The following SLC6A13 variants were observed in gnomAD, a reference collection of about 807,000 sequenced individuals.
SLC6A13 encodes sodium- and chloride-dependent GABA transporter 2.
In SLC6A13, 69 loss-of-function variants were observed where a neutral mutation model predicts 72.9. The ratio of observed to expected loss-of-function variants is 0.95; its 90% CI spans 0.78 to 1.16. The LOEUF (loss-of-function observed/expected upper bound fraction) is 1.16, where lower values mean the gene tolerates loss of function less well. Ranked by LOEUF, SLC6A13 falls within the 50% of genes most tolerant of loss-of-function variation. The pLI is 0.00. For missense variants in SLC6A13, 735 were observed against 760.5 expected (o/e 0.97, Z 0.39); for synonymous variants, 303 against 303.0 (o/e 1.00, Z 0.00).
At chr12:224,153 G>C in intron 10 of SLC6A13, 24 bp from the exon 11 acceptor site, 1 of 1,613,364 alleles carries the variant, frequency 6.2e-7, no homozygotes, top group Non-Finnish European at 8.5e-7. Context: ...CAAAGGGATT[G>C]GAGGGAAGGA....
chr12:256,000 T>C (rs1048351712), intron 2 of SLC6A13, among the ~76,000 whole-genome samples: 1 of 152,174 alleles, frequency 6.6e-6, no homozygotes, highest in African/African-American at 2.4e-5. Context: ...CTCTCACTCC[T>C]GGCAAGGCTT....
At chr12:223,743 T>C (rs529358425) in intron 11 of SLC6A13, 60 of 513,860 alleles carry the variant, frequency 1.2e-4, no homozygotes, top group Middle Eastern at 1.1e-3. Flanking sequence ...ATGCTCCACA[T>C]ACCTCTTCAC....
chr12:229,768 C>T (rs918710969), intron 7 of SLC6A13, among the ~76,000 whole-genome samples: 8 of 152,196 alleles, frequency 5.3e-5, no homozygotes, highest in Admixed American at 2.0e-4. Context: ...CAAGGAAACA[C>T]GCCGCGGCTG....
At chr12:239,734 T>C (rs1466739708) in intron 4 of SLC6A13, among the ~76,000 whole-genome samples, 1 of 152,182 alleles carries the variant, frequency 6.6e-6, no homozygotes, top group Non-Finnish European at 1.5e-5. Flanking sequence ...GAGCCTGGCA[T>C]ATAGCAGGAG....
intron 7 of SLC6A13, among the ~76,000 whole-genome samples, chr12:228,797 G>A (rs1473752328): frequency 6.6e-6 from 1 of 152,130 alleles, no homozygotes; most frequent in Non-Finnish European, 1.5e-5. Flanking sequence ...TCAGAATCAC[G>A]CTGATTCCTC....
Position 260,024 on chromosome 12 carries a change from C to T in SLC6A13, c.29G>A (p.Ser10Asn). The change falls in exon 2 of 15, where the codon AGT (serine) becomes AAT (asparagine). Residue 10 changes from serine (S) to asparagine (N), a missense_variant. Ser to Asn is a conservative substitution (Grantham distance 46, BLOSUM62 1). Transcript: ENST00000343164. MDSRVSGTT[S>N]NGETKPVYPV... ...ATACACTGGTTTTGTCTCTCCATTA[C>T]TGGTTGTGCCTGAGACCCTGCTATC... 1 of 1,614,132 alleles carries T rather than the reference C, an allele frequency of 6.2e-7. No individual in the cohort carries two copies. Among genetic ancestry groups the T allele is most frequent in the Non-Finnish European group, 8.5e-7 (1 of 1,179,976 alleles).
intron 7 of SLC6A13, among the ~76,000 whole-genome samples, chr12:228,483 G>T (rs1394614161): frequency 6.6e-6 from 1 of 152,118 alleles, no homozygotes; most frequent in Non-Finnish European, 1.5e-5. Flanking sequence ...TTCCTCATGT[G>T]TCTGTGTTCC....
At chr12:229,615 C>T (rs935769495) in intron 7 of SLC6A13, among the ~76,000 whole-genome samples, 11 of 152,220 alleles carry the variant, frequency 7.2e-5, no homozygotes, top group South Asian at 4.1e-4. Context: ...CTGGGACCCA[C>T]GGGTACTGCC....
intron 4 of SLC6A13, among the ~76,000 whole-genome samples, chr12:240,383 T>C (rs1216402686): frequency 1.3e-5 from 2 of 152,146 alleles, no homozygotes; most frequent in East Asian, 1.9e-4. Context: ...TTTTGTATTT[T>C]CAGTAGAGAT....
At chr12:235,794 A>G (rs1019956673) in intron 6 of SLC6A13, among the ~76,000 whole-genome samples, 6 of 152,318 alleles carry the variant, frequency 3.9e-5, no homozygotes, top group South Asian at 2.1e-4. Flanking sequence ...ATGTCGCTAA[A>G]TTCTTTTCCT....
At chr12:259,663 C>T in intron 2 of SLC6A13, 188 bp downstream of exon 2, 1 of 1,452,938 alleles carries the variant, frequency 6.9e-7, no homozygotes, top group Non-Finnish European at 9.0e-7. Context: ...ATAGAAAGAG[C>T]CCTGGGATAG....
At chr12:223,089 A>C in intron 12 of SLC6A13, 43 bp downstream of exon 12, 1 of 1,241,126 alleles carries the variant, frequency 8.1e-7, no homozygotes, top group Non-Finnish European at 1.2e-6. Flanking sequence ...CAAGACCCTT[A>C]GACAAGAGGA....
intron 7 of SLC6A13, among the ~76,000 whole-genome samples, chr12:230,130 G>GCGAC (rs368290863): frequency 2.6e-4 from 39 of 152,136 alleles, no homozygotes; most frequent in African/African-American, 8.7e-4. Context: ...CCCACCACAG[G>GCGAC]CGACCACTCC....
chr12:250,424 C>T (rs770064494), intron 2 of SLC6A13, among the ~76,000 whole-genome samples: 1 of 151,872 alleles, frequency 6.6e-6, no homozygotes, highest in Non-Finnish European at 1.5e-5. Context: ...CTATTAGAAC[C>T]AATCAGTGAG....
chr12:245,547 G>T (rs1942317643), intron 2 of SLC6A13, among the ~76,000 whole-genome samples: 1 of 152,152 alleles, frequency 6.6e-6, no homozygotes, highest in Non-Finnish European at 1.5e-5. Flanking sequence ...TGGCATGGTG[G>T]CACGCACCTG....
intron 2 of SLC6A13, among the ~76,000 whole-genome samples, chr12:252,011 G>GA (rs1194378816): frequency 6.6e-6 from 1 of 151,972 alleles, no homozygotes; most frequent in African/African-American, 2.4e-5. Flanking sequence ...AACACAGAAT[G>GA]AAAAAAATAG....
At position 242,718 on chromosome 12, in the gene SLC6A13, A is replaced by C; in HGVS notation, c.374T>G (p.Leu125Arg). The change falls in exon 4 of 15, where the codon CTC (leucine) becomes CGC (arginine). Residue 125 changes from leucine to arginine, a missense_variant. Leu to Arg is a moderately radical substitution (Grantham distance 102, BLOSUM62 -2). Coordinates refer to ENST00000343164, the MANE Select transcript of SLC6A13 (RefSeq NM_016615.5). Reference protein sequence around the residue: ...GYASQMIVILLNVYYIIVLAW... With the variant: ...GYASQMIVILRNVYYIIVLAW... ...CAACACAATGATGTAGTAGACGTTGAGGAGGATGACGATCATCTGGGAGGC... is the reference window on the plus strand; with the variant it reads ...CAACACAATGATGTAGTAGACGTTGCGGAGGATGACGATCATCTGGGAGGC... 2 of 1,602,566 alleles carry C rather than the reference A, an allele frequency of 1.2e-6. No individual in the cohort carries two copies. Among genetic ancestry groups the C allele is most frequent in the Non-Finnish European group, 1.7e-6 (2 of 1,174,258 alleles).
intron 6 of SLC6A13, among the ~76,000 whole-genome samples, chr12:235,465 G>A (rs1200061207): frequency 6.6e-6 from 1 of 152,148 alleles, no homozygotes; most frequent in Non-Finnish European, 1.5e-5. Flanking sequence ...ACACTTATCA[G>A]TTTCCAAATA....
chr12:242,523 T>C, intron 4 of SLC6A13, 91 bp downstream of exon 4: 3 of 1,134,078 alleles, frequency 2.6e-6, no homozygotes, highest in Non-Finnish European at 3.8e-6. Flanking sequence ...TTCTGGTGTG[T>C]CCGTGTTAAG....
Sources: gnomAD v4.1 joint callset for allele counts (sites outside exome capture counted in the v4.1 genomes callset) on GRCh38, gnomAD v4.1.1 for gene constraint, MANE v1.5 for transcripts, NCBI Gene and HGNC (gene_info 2026-07-23, HGNC 2026-07-21) for gene names.